The following NRXN1 variants were observed in gnomAD, a reference collection of about 807,000 sequenced individuals.
NRXN1 encodes the protein neurexin-1.
A neutral mutation model predicts 150.9 loss-of-function variants in NRXN1; 39 were observed. The observed-to-expected ratio is 0.26, with a 90% CI of 0.20 to 0.34. The LOEUF (loss-of-function observed/expected upper bound fraction) is 0.34, where lower values mean the gene tolerates loss of function less well. Among genes scored for constraint, NRXN1 ranks in the 10% least tolerant of loss-of-function variants. The pLI is 1.00. For synonymous variants in NRXN1, 924 were observed against 757.0 expected (o/e 1.22, Z -3.62); for missense variants, 1,815 against 1,949.9 (o/e 0.93, Z 1.30).
chr2:50,294,086 TA>T lies in NRXN1; in HGVS notation c.3365-57117del, dbSNP rs1427445308. Among the ~76,000 whole-genome samples, 17 of 152,308 alleles carry T rather than the reference TA, an allele frequency of 1.1e-4. No individual in the cohort carries two copies. In the East Asian group the frequency reaches 3.3e-3, roughly 29 times the overall value. The stretch of plus-strand genomic sequence containing the variant: ...GTGTATATAATCCCAGATGACTTAC[TA>T]AAAGAACCAAATTCCAATGAAACCT... On this transcript the variant is annotated intron_variant, in intron 17 of 22. Transcript: ENST00000401669.
intron 18 of NRXN1, among the ~76,000 whole-genome samples, chr2:50,204,700 T>C (rs915232200): frequency 6.6e-6 from 1 of 152,108 alleles, no homozygotes; most frequent in African/African-American, 2.4e-5. Context: ...TGTGACTTCA[T>C]ATATGGGAAT....
At chr2:50,694,191 A>T (rs1016418119) in intron 5 of NRXN1, among the ~76,000 whole-genome samples, 8 of 152,188 alleles carry the variant, frequency 5.3e-5, no homozygotes, top group Non-Finnish European at 1.0e-4. Context: ...ATAGAAACGT[A>T]TGAATTGTTA....
At chr2:51,017,503 CTTTTTTTTTTTTTTTTTTTTTT>C (rs70958638) in intron 2 of NRXN1, among the ~76,000 whole-genome samples, 8 of 44,302 alleles carry the variant, frequency 1.8e-4, no homozygotes, top group Non-Finnish European at 2.3e-4. Context: ...CCACATCTGG[CTTTTTTTTTTTTTTTTTTTTTT>C]TTTTTTTTTT....
intron 5 of NRXN1, among the ~76,000 whole-genome samples, chr2:50,880,377 A>G (rs973471803): frequency 6.6e-6 from 1 of 151,980 alleles, no homozygotes; most frequent in African/African-American, 2.4e-5. Flanking sequence ...CAAGTTAATT[A>G]AACCTCAGAA....
At position 50,621,264 on chromosome 2, in the gene NRXN1, G is replaced by C; in HGVS notation, c.1135-15C>G. On this transcript the variant is annotated splice_polypyrimidine_tract_variant and intron_variant, in intron 6 of 22. Coordinates refer to ENST00000401669, the MANE Select transcript of NRXN1 (RefSeq NM_001330078.2). Reference sequence around the variant, plus strand: ...ATGCCTGAGTGCTTTGTGGAGAAGGGGGGAGAAAGGAAATTAAAAACTGTG... The same window carrying C: ...ATGCCTGAGTGCTTTGTGGAGAAGGCGGGAGAAAGGAAATTAAAAACTGTG... 6.4e-7 allele frequency: 1 copy of C among 1,560,054 alleles called. No homozygotes were observed. Among genetic ancestry groups the C allele is most frequent in the Non-Finnish European group, 8.7e-7 (1 of 1,148,786 alleles).
chr2:50,819,591 G>C (rs2105815909), intron 5 of NRXN1, among the ~76,000 whole-genome samples: 1 of 152,026 alleles, frequency 6.6e-6, no homozygotes, highest in East Asian at 1.9e-4. Context: ...GGTGAAAAAA[G>C]TTCTAGAGAT....
At chr2:50,248,311 A>G (rs891568140) in intron 17 of NRXN1, among the ~76,000 whole-genome samples, 1 of 152,148 alleles carries the variant, frequency 6.6e-6, no homozygotes, top group Admixed American at 6.6e-5. Context: ...ATAGTGTACA[A>G]TTTAGAATCC....
At chr2:50,852,617 C>A (rs1186829310) in intron 5 of NRXN1, among the ~76,000 whole-genome samples, 1 of 152,032 alleles carries the variant, frequency 6.6e-6, no homozygotes, top group Non-Finnish European at 1.5e-5. Context: ...CATAGAATCT[C>A]AGAGTTGGAA....
intron 12 of NRXN1, 65 bp from the exon 13 acceptor site, chr2:50,506,682 A>C: frequency 6.4e-7 from 1 of 1,560,598 alleles, no homozygotes; most frequent in Non-Finnish European, 8.8e-7. Context: ...AACCTCACAG[A>C]GAGTGAGAGA....
intron 17 of NRXN1, among the ~76,000 whole-genome samples, chr2:50,402,620 G>C (rs2103955974): frequency 6.6e-6 from 1 of 152,126 alleles, no homozygotes; most frequent in East Asian, 1.9e-4. Context: ...ATCATGTTTT[G>C]AACAAAAAAG....
intron 18 of NRXN1, among the ~76,000 whole-genome samples, chr2:50,165,653 A>T (rs950084944): frequency 2.0e-5 from 3 of 152,168 alleles, no homozygotes; most frequent in Non-Finnish European, 2.9e-5. Flanking sequence ...GCGCCCAGCC[A>T]GCACTGTCAA....
chr2:50,085,729 G>C (rs1698691725), intron 19 of NRXN1, among the ~76,000 whole-genome samples: 1 of 151,662 alleles, frequency 6.6e-6, no homozygotes, highest in Non-Finnish European at 1.5e-5. Flanking sequence ...TTTTTTATGT[G>C]TTACTATGTT....
chr2:50,480,466 C>A (rs974192100), intron 15 of NRXN1, among the ~76,000 whole-genome samples: 1 of 152,198 alleles, frequency 6.6e-6, no homozygotes, highest in African/African-American at 2.4e-5. Context: ...GCACTTCACA[C>A]TGTCTCTCCA....
At chr2:50,130,830 G>A (rs1705357566) in intron 18 of NRXN1, among the ~76,000 whole-genome samples, 1 of 152,136 alleles carries the variant, frequency 6.6e-6, no homozygotes, top group Non-Finnish European at 1.5e-5. Flanking sequence ...TATCCTCCAG[G>A]TGAAGACTTG....
intron 17 of NRXN1, among the ~76,000 whole-genome samples, chr2:50,310,672 C>G (rs4971664): frequency 0.22 from 33,553 of 152,056 alleles, 4,274 homozygotes; most frequent in East Asian, 0.53. Flanking sequence ...TATTGGAGAA[C>G]ATTTAGTCTA....
chr2:50,988,108 T>C (rs1296323020), intron 2 of NRXN1, among the ~76,000 whole-genome samples: 1 of 151,948 alleles, frequency 6.6e-6, no homozygotes, highest in Admixed American at 6.6e-5. Flanking sequence ...AAGATACAGA[T>C]TCTTCCATAA....
chr2:50,386,630 T>C (rs564141237), intron 17 of NRXN1, among the ~76,000 whole-genome samples: 305 of 152,302 alleles, frequency 2.0e-3, no homozygotes, highest in African/African-American at 7.0e-3. Flanking sequence ...AGGGAGCTAC[T>C]GATGGCATCT....
chr2:50,306,821 A>G (rs1006991522), intron 17 of NRXN1, among the ~76,000 whole-genome samples: 11 of 152,202 alleles, frequency 7.2e-5, no homozygotes, highest in African/African-American at 2.4e-4. Context: ...AGAAAGGAGT[A>G]AGGGCTAAGG....
At chr2:50,942,279 G>A (rs1404605097) in intron 2 of NRXN1, among the ~76,000 whole-genome samples, 1 of 152,188 alleles carries the variant, frequency 6.6e-6, no homozygotes, top group Non-Finnish European at 1.5e-5. Context: ...CCCACATGGA[G>A]AACCTCTACT....
Sources: gnomAD v4.1 joint callset for allele counts (sites outside exome capture counted in the v4.1 genomes callset) on GRCh38, gnomAD v4.1.1 for gene constraint, MANE v1.5 for transcripts, NCBI Gene and HGNC (gene_info 2026-07-23, HGNC 2026-07-21) for gene names.